Variants in ZRANB3 observed in about 807,000 individuals in gnomAD.
The protein encoded by ZRANB3 is zinc finger RANBP2-type containing 3, also known as DNA annealing helicase and endonuclease ZRANB3.
In ZRANB3, 125 loss-of-function variants were observed where a neutral mutation model predicts 133.8. The observed-to-expected ratio is 0.93, with a 90% CI of 0.81 to 1.08. The LOEUF (loss-of-function observed/expected upper bound fraction) is 1.08. Among genes scored for constraint, ZRANB3 ranks in the 50% least tolerant of loss-of-function variants. ZRANB3 has a pLI of 0.00. For missense variants in ZRANB3, 1,229 were observed against 1,275.5 expected (o/e 0.96, Z 0.56); for synonymous variants, 387 against 432.7 (o/e 0.89, Z 1.31).
rs571527183 is a variant in ZRANB3 at position 135,281,336 on chromosome 2, G to A, written c.967-5581C>T. 5.3e-5 allele frequency among the ~76,000 whole-genome samples: 8 copies of A among 152,090 alleles called. No individual in the cohort carries two copies. In the East Asian group the frequency reaches 1.5e-3, roughly 29 times the overall value. ...TGATAGTTTTGTTCAGGTATCGCAT[G>A]ACCTTTTAAGCTCTTTTTTTTTTTA... On this transcript the variant is annotated intron_variant, in intron 8 of 20. Coordinates refer to ENST00000264159, the MANE Select transcript of ZRANB3 (RefSeq NM_032143.4).
At chr2:135,338,714 G>T (rs1396330748) in intron 6 of ZRANB3, among the ~76,000 whole-genome samples, 1 of 152,204 alleles carries the variant, frequency 6.6e-6, no homozygotes, top group Non-Finnish European at 1.5e-5. Context: ...ATAATTTACA[G>T]TAAGTTCTCT....
intron 2 of ZRANB3, among the ~76,000 whole-genome samples, chr2:135,410,536 G>C (rs1688257896): frequency 6.6e-6 from 1 of 152,026 alleles, no homozygotes. Flanking sequence ...AAAATTCCTA[G>C]AAGAAAATCT....
intron 2 of ZRANB3, among the ~76,000 whole-genome samples, chr2:135,459,058 G>T (rs1474587919): frequency 6.6e-6 from 1 of 152,086 alleles, no homozygotes; most frequent in Non-Finnish European, 1.5e-5. Flanking sequence ...TTCCCGTCAT[G>T]ATACTTCTTA....
At chr2:135,382,136 A>G (rs530564237) in intron 3 of ZRANB3, among the ~76,000 whole-genome samples, 144 of 152,356 alleles carry the variant, frequency 9.5e-4, no homozygotes, top group African/African-American at 3.0e-3. Flanking sequence ...ACCAATGCAG[A>G]GAAGTCCTTA....
At chr2:135,439,221 A>C (rs1311009389) in intron 2 of ZRANB3, among the ~76,000 whole-genome samples, 1 of 152,218 alleles carries the variant, frequency 6.6e-6, no homozygotes, top group African/African-American at 2.4e-5. Context: ...CTTTTATAGA[A>C]TACTTTGCCT....
chr2:135,415,739 C>T (rs1048460129), intron 2 of ZRANB3, among the ~76,000 whole-genome samples: 2 of 152,134 alleles, frequency 1.3e-5, no homozygotes, highest in African/African-American at 4.8e-5. Context: ...TCCAGCAGCA[C>T]ATCAAAAAGC....
At chr2:135,208,562 T>C (rs1693973227) in intron 18 of ZRANB3, among the ~76,000 whole-genome samples, 1 of 152,238 alleles carries the variant, frequency 6.6e-6, no homozygotes, top group Non-Finnish European at 1.5e-5. Flanking sequence ...CTTCTAATTA[T>C]GGAGCTCAAG....
chr2:135,286,543 T>C (rs1389750257), intron 8 of ZRANB3, among the ~76,000 whole-genome samples: 1 of 152,158 alleles, frequency 6.6e-6, no homozygotes, highest in Non-Finnish European at 1.5e-5. Context: ...CTCCTAAAAG[T>C]GTTGGGATTA....
intron 8 of ZRANB3, among the ~76,000 whole-genome samples, chr2:135,308,356 A>G (rs990906086): frequency 6.6e-6 from 1 of 151,946 alleles, no homozygotes; most frequent in African/African-American, 2.4e-5. Flanking sequence ...AGGAGGGGGT[A>G]CTCTGCCTCT....
chr2:135,474,561 CAT>C (rs1283083999), intron 2 of ZRANB3, among the ~76,000 whole-genome samples: 1 of 152,124 alleles, frequency 6.6e-6, no homozygotes. Context: ...CCTCTCTCAC[CAT>C]ATGACATGCC....
intron 12 of ZRANB3, among the ~76,000 whole-genome samples, chr2:135,254,604 C>T (rs533880227): frequency 6.6e-6 from 1 of 152,090 alleles, no homozygotes; most frequent in African/African-American, 2.4e-5. Flanking sequence ...CAGAGTGAGA[C>T]TCAGTCTTGA....
At chr2:135,523,779 G>A (rs1694039501) in intron 1 of ZRANB3, among the ~76,000 whole-genome samples, 1 of 152,148 alleles carries the variant, frequency 6.6e-6, no homozygotes, top group South Asian at 2.1e-4. Context: ...TGATTATTCA[G>A]TACCTCTTTC....
At chr2:135,285,376 TGAAGAGGA>T (rs1681305828) in intron 8 of ZRANB3, among the ~76,000 whole-genome samples, 1 of 152,216 alleles carries the variant, frequency 6.6e-6, no homozygotes, top group Non-Finnish European at 1.5e-5. Flanking sequence ...TTCCTGCTAA[TGAAGAGGA>T]GGCAGAGTGT....
chr2:135,403,129 C>T (rs1437716141), intron 2 of ZRANB3, among the ~76,000 whole-genome samples: 1 of 152,056 alleles, frequency 6.6e-6, no homozygotes, highest in African/African-American at 2.4e-5. Flanking sequence ...TGCAGTGCAC[C>T]CAGCAGGAGC....
Position 135,504,517 on chromosome 2 carries a change from A to G in ZRANB3, c.-7-21T>C, listed in dbSNP as rs765308692. ...TGATCCTAAAAACAAAGAAACAACA[A>G]AAAAGGGAGGGGTATAAGAAATAGA... On this transcript the variant is annotated intron_variant, in intron 1 of 20. Transcript: ENST00000264159. 7 of 1,593,918 alleles carry G rather than the reference A, an allele frequency of 4.4e-6. No homozygotes were observed. The South Asian group carries it at 8.1e-5, about 18-fold the overall frequency.
intron 2 of ZRANB3, among the ~76,000 whole-genome samples, chr2:135,470,932 G>A (rs529477217): frequency 2.0e-5 from 3 of 150,828 alleles, no homozygotes; most frequent in Non-Finnish European, 2.9e-5. Context: ...CTCCTGAGTA[G>A]CTGGGACTAC....
intron 1 of ZRANB3, among the ~76,000 whole-genome samples, chr2:135,508,485 T>C (rs1327725409): frequency 2.0e-5 from 3 of 151,902 alleles, no homozygotes; most frequent in Non-Finnish European, 2.9e-5. Flanking sequence ...GTTATATTAA[T>C]CAAAAATTTG....
At chr2:135,219,980 T>G (rs2105054229) in intron 15 of ZRANB3, among the ~76,000 whole-genome samples, 1 of 152,070 alleles carries the variant, frequency 6.6e-6, no homozygotes, top group Admixed American at 6.5e-5. Context: ...CAGGTGATCC[T>G]CCCATCTCAG....
intron 3 of ZRANB3, among the ~76,000 whole-genome samples, chr2:135,357,672 A>ACC (rs556858724): frequency 1.6e-3 from 243 of 152,288 alleles, no homozygotes; most frequent in African/African-American, 5.6e-3. Context: ...TCAGCCTCCC[A>ACC]AAGTGCTGGG....
Sources: allele counts gnomAD v4.1 joint callset (sites outside exome capture counted in the v4.1 genomes callset), GRCh38; gene constraint gnomAD v4.1.1; transcripts MANE v1.5; gene names NCBI Gene and HGNC (gene_info 2026-07-23, HGNC 2026-07-21).